Variants in PTPRD observed in about 807,000 individuals in gnomAD.
PTPRD encodes the protein receptor-type tyrosine-protein phosphatase delta.
In PTPRD, 34 loss-of-function variants were observed where a neutral mutation model predicts 214.5. The ratio of observed to expected loss-of-function variants is 0.16; its 90% CI spans 0.12 to 0.21. The LOEUF is 0.21. Ranked by LOEUF, PTPRD falls within the 10% of genes least tolerant of loss-of-function variation. The pLI is 1.00. For synonymous variants in PTPRD, 1,128 were observed against 845.7 expected (o/e 1.33, Z -5.79); for missense variants, 2,545 against 2,398.7 (o/e 1.06, Z -1.27).
At chr9:9,403,101 C>T (rs1050540943) in intron 8 of PTPRD, among the ~76,000 whole-genome samples, 3 of 150,726 alleles carry the variant, frequency 2.0e-5, no homozygotes, top group Admixed American at 6.6e-5. Flanking sequence ...AATAGCCTGG[C>T]CAACATGGTA....
At chr9:8,738,110 T>C (rs953021886) in intron 11 of PTPRD, among the ~76,000 whole-genome samples, 3 of 152,238 alleles carry the variant, frequency 2.0e-5, no homozygotes, top group Non-Finnish European at 4.4e-5. Flanking sequence ...CTGAATTGTA[T>C]ATCAGCTTCT....
chr9:10,511,567 G>C (rs2784595), intron 2 of PTPRD, among the ~76,000 whole-genome samples: 143,902 of 145,648 alleles, frequency 0.99, 71,106 homozygotes, highest in East Asian at 1. Context: ...CCACACCCTG[G>C]TATTTTTTTT....
chr9:9,416,375 T>C (rs941470102), intron 8 of PTPRD, among the ~76,000 whole-genome samples: 4 of 152,222 alleles, frequency 2.6e-5, no homozygotes, highest in African/African-American at 9.6e-5. Flanking sequence ...TCCCACTTAA[T>C]AGCTGTGCTC....
intron 8 of PTPRD, among the ~76,000 whole-genome samples, chr9:9,415,714 A>G (rs1275359087): frequency 6.6e-6 from 1 of 152,212 alleles, no homozygotes; most frequent in Non-Finnish European, 1.5e-5. Context: ...AAGGTGAAAA[A>G]AAGTACTCAA....
At chr9:9,781,708 C>T (rs2098844103) in intron 5 of PTPRD, among the ~76,000 whole-genome samples, 1 of 152,124 alleles carries the variant, frequency 6.6e-6, no homozygotes, top group Admixed American at 6.5e-5. Context: ...ACTATTCTCT[C>T]TCTATCCAGT....
chr9:9,169,617 C>G (rs2099910700), intron 10 of PTPRD, among the ~76,000 whole-genome samples: 1 of 152,096 alleles, frequency 6.6e-6, no homozygotes, highest in Non-Finnish European at 1.5e-5. Flanking sequence ...ACATAGGCAG[C>G]TTTGTTACTC....
At chr9:9,730,204 A>G (rs974244503) in intron 7 of PTPRD, among the ~76,000 whole-genome samples, 23 of 152,154 alleles carry the variant, frequency 1.5e-4, no homozygotes, top group Non-Finnish European at 3.2e-4. Context: ...AATTTGTATT[A>G]TTTGAAAGAT....
At chr9:8,911,026 C>G (rs538982810) in intron 11 of PTPRD, among the ~76,000 whole-genome samples, 2 of 152,334 alleles carry the variant, frequency 1.3e-5, no homozygotes, top group East Asian at 3.8e-4. Context: ...CTCGTTCAAA[C>G]TTATCTGTAG....
rs572136243 is a variant in PTPRD, at chr9:10,263,729, T to A, written c.-545+77234A>T. On this transcript the variant is annotated intron_variant, in intron 3 of 45. Coordinates refer to ENST00000381196, the MANE Select transcript of PTPRD (RefSeq NM_002839.4). Reference sequence around the variant, plus strand: ...AGAAATTCAAGCGTGCTGCAGAAATTTGCAGAATTTGCATAAATAACAAGG... The same window carrying A: ...AGAAATTCAAGCGTGCTGCAGAAATATGCAGAATTTGCATAAATAACAAGG... 3.3e-5 allele frequency among the ~76,000 whole-genome samples: 5 copies of A among 152,276 alleles called. No homozygotes were observed. In the South Asian group the frequency reaches 1.0e-3, roughly 32 times the overall value.
chr9:8,519,306 A>C (rs1564018085), intron 20 of PTPRD, among the ~76,000 whole-genome samples: 1 of 152,188 alleles, frequency 6.6e-6, no homozygotes, highest in Non-Finnish European at 1.5e-5. Flanking sequence ...TAGAGGTCTA[A>C]TTCTTTCTTT....
intron 11 of PTPRD, among the ~76,000 whole-genome samples, chr9:8,926,479 G>T (rs572243132): frequency 6.6e-6 from 1 of 152,066 alleles, no homozygotes; most frequent in Non-Finnish European, 1.5e-5. Context: ...CCACTTCATG[G>T]TTTCTCCTAT....
At chr9:8,375,864 G>A (rs1309477835) in intron 39 of PTPRD, 72 bp downstream of exon 39, 2 of 1,519,864 alleles carry the variant, frequency 1.3e-6, no homozygotes, top group Non-Finnish European at 8.9e-7. Flanking sequence ...ATGTCAAGAA[G>A]TTGCAGAAAC....
chr9:8,800,212 T>C (rs1485986968), intron 11 of PTPRD, among the ~76,000 whole-genome samples: 1 of 152,102 alleles, frequency 6.6e-6, no homozygotes, highest in Non-Finnish European at 1.5e-5. Flanking sequence ...TTTTAATGAC[T>C]TCATTTTTTT....
At chr9:10,431,506 A>C (rs968051765) in intron 2 of PTPRD, among the ~76,000 whole-genome samples, 1 of 151,944 alleles carries the variant, frequency 6.6e-6, no homozygotes, top group African/African-American at 2.4e-5. Flanking sequence ...GCAACCTACA[A>C]AATGGGAGAA....
At chr9:10,185,545 C>A (rs574135990) in intron 3 of PTPRD, among the ~76,000 whole-genome samples, 1 of 152,292 alleles carries the variant, frequency 6.6e-6, no homozygotes, top group South Asian at 2.1e-4. Flanking sequence ...TGGCTGTTAT[C>A]TGCGTTTTAC....
chr9:9,051,034 T>C (rs1024922817), intron 10 of PTPRD, among the ~76,000 whole-genome samples: 2 of 152,282 alleles, frequency 1.3e-5, no homozygotes, highest in East Asian at 3.9e-4. Context: ...TTTTTAATTT[T>C]TTCCAACAAA....
chr9:9,541,437 C>T (rs182497677), intron 8 of PTPRD, among the ~76,000 whole-genome samples: 6 of 151,798 alleles, frequency 4.0e-5, no homozygotes, highest in Admixed American at 3.3e-4. Flanking sequence ...AACTTCCAGC[C>T]CAACCCAGCT....
chr9:9,502,487 T>C (rs1342471483), intron 8 of PTPRD, among the ~76,000 whole-genome samples: 1 of 151,934 alleles, frequency 6.6e-6, no homozygotes, highest in African/African-American at 2.4e-5. Flanking sequence ...CGTATATGTA[T>C]TTCTGTTTTG....
intron 10 of PTPRD, among the ~76,000 whole-genome samples, chr9:9,132,947 A>G (rs1213999309): frequency 6.6e-6 from 1 of 152,236 alleles, no homozygotes; most frequent in Non-Finnish European, 1.5e-5. Context: ...TCATTTGCAT[A>G]TCAGATAAAG....
Sources: allele counts gnomAD v4.1 joint callset (sites outside exome capture counted in the v4.1 genomes callset), GRCh38; gene constraint gnomAD v4.1.1; transcripts MANE v1.5; gene names NCBI Gene and HGNC (gene_info 2026-07-23, HGNC 2026-07-21).